Variants in ADAM10 observed in about 807,000 individuals in gnomAD.
ADAM10 encodes ADAM metallopeptidase domain 10.
ADAM10 carries 17 observed loss-of-function variants against 90.1 expected under a neutral mutation model. The ratio of observed to expected loss-of-function variants is 0.19; its 90% CI spans 0.13 to 0.28. The LOEUF is 0.28. Among genes scored for constraint, ADAM10 ranks in the 10% least tolerant of loss-of-function variants. The pLI, the probability that ADAM10 is intolerant of heterozygous loss-of-function variation, is 1.00. For synonymous variants in ADAM10, 310 were observed against 298.6 expected, an observed-to-expected ratio of 1.04 and a Z score of -0.40; for missense variants, 610 against 914.3, an observed-to-expected ratio of 0.67 and a Z score of 4.29.
Position 58,597,427 on chromosome 15 carries a change from AT to A in ADAM10, c.*119del. ...TGGTCTGAGGATATGATCTCTTGCC[AT>A]TTTTTCTTCAACTGTTACTTGTGAG... is the stretch of plus-strand genomic sequence containing the variant. On this transcript the variant is annotated 3_prime_UTR_variant, in exon 16 of 16. Coordinates refer to ENST00000260408, the MANE Select transcript of ADAM10 (RefSeq NM_001110.4). 5.1e-6 allele frequency: 8 copies of A among 1,568,300 alleles called. No individual in the cohort carries two copies. Among genetic ancestry groups the A allele is most frequent in the African/African-American group, 1.4e-5 (1 of 73,972 alleles).
In ADAM10 at chr15:58,589,193, G is replaced by A. The variant is rs1008285764; in HGVS notation, c.*8354C>T. On this transcript the variant is annotated 3_prime_UTR_variant, in exon 16 of 16. Transcript: ENST00000260408. The stretch of plus-strand genomic sequence containing the variant: ...CTATAGCCAAGCTCAAGGAAATGGA[G>A]ATTAATAAAGCCCAGTCCTGCAGAG... 1.3e-5 allele frequency: 2 copies of A among 152,186 alleles called. No individual in the cohort carries two copies. The highest frequency in any genetic ancestry group is 2.4e-5 in the African/African-American group (1 of 41,432). 9.4% of individuals were successfully genotyped at this position (152,186 alleles called of 1,614,324 possible). A position where few individuals can be genotyped will look rare whatever the true frequency, so the allele number is the denominator to read the frequency against.
intron 1 of ADAM10, among the ~76,000 whole-genome samples, chr15:58,719,084 G>A (rs1178939497): frequency 6.6e-6 from 1 of 152,184 alleles, no homozygotes; most frequent in African/African-American, 2.4e-5. Context: ...AGCACTTTGG[G>A]AGGCCGAGGC....
At chr15:58,689,125 G>C (rs1897699352) in intron 2 of ADAM10, among the ~76,000 whole-genome samples, 1 of 152,202 alleles carries the variant, frequency 6.6e-6, no homozygotes, top group Admixed American at 6.5e-5. Context: ...CAGCGTTAAA[G>C]AGAAAATCTT....
Position 58,718,891 on chromosome 15 carries a change from T to C in ADAM10, c.56-1164A>G, listed in dbSNP as rs2140817877. On this transcript the variant is annotated intron_variant, in intron 1 of 15. Coordinates refer to ENST00000260408, the MANE Select transcript of ADAM10 (RefSeq NM_001110.4). ...GCTTCATCTCTTCAACTGAGGAAGT[T>C]CCCTGGACTCTACCTAGGTTCCCTC... Among the ~76,000 whole-genome samples the C allele has an allele frequency of 1.3e-5, 2 of 152,260 alleles. 1 individual carries two copies. Among genetic ancestry groups the C allele is most frequent in the South Asian group, 4.1e-4 (2 of 4,826 alleles).
intron 9 of ADAM10, 143 bp from the exon 10 acceptor site, chr15:58,628,026 C>T: frequency 1.2e-6 from 1 of 830,562 alleles, no homozygotes; most frequent in Non-Finnish European, 1.9e-6. Context: ...TGTTTTACAC[C>T]TTGAGTAGGA....
At chr15:58,647,248 ATTTT>A (rs67378373) in intron 5 of ADAM10, among the ~76,000 whole-genome samples, 13,108 of 59,734 alleles carry the variant, frequency 0.22, 1,504 homozygotes, top group South Asian at 0.52. Context: ...GACACTAAGT[ATTTT>A]TTTTTTTTTT....
intron 2 of ADAM10, among the ~76,000 whole-genome samples, chr15:58,711,503 C>T (rs1425299809): frequency 6.6e-6 from 1 of 152,174 alleles, no homozygotes; most frequent in Non-Finnish European, 1.5e-5. Context: ...GAATTAACCA[C>T]ACTACTCCTT....
chr15:58,727,577 C>G (rs1468793444), intron 1 of ADAM10, among the ~76,000 whole-genome samples: 2 of 152,214 alleles, frequency 1.3e-5, no homozygotes, highest in Non-Finnish European at 2.9e-5. Context: ...AGTAATCCTA[C>G]TGGCTTGGCC....
At chr15:58,641,110 C>T (rs1430168813) in intron 7 of ADAM10, 150 bp from the exon 8 acceptor site, 9 of 737,138 alleles carry the variant, frequency 1.2e-5, no homozygotes, top group Non-Finnish European at 1.9e-5. Flanking sequence ...TCCCACTGCC[C>T]ACATCCCTGA....
chr15:58,727,560 G>A (rs985291817), intron 1 of ADAM10, among the ~76,000 whole-genome samples: 1 of 152,052 alleles, frequency 6.6e-6, no homozygotes, highest in Non-Finnish European at 1.5e-5. Flanking sequence ...TCAAACACCT[G>A]GTATTAAGTA....
chr15:58,739,513 T>A (rs1209266297), intron 1 of ADAM10, among the ~76,000 whole-genome samples: 3 of 151,756 alleles, frequency 2.0e-5, no homozygotes, highest in African/African-American at 7.3e-5. Context: ...CGAGACTCCG[T>A]CTCAAAAAAA....
Position 58,597,154 on chromosome 15 carries a change from T to C in ADAM10, c.*393A>G, listed in dbSNP as rs1894976138. On this transcript the variant is annotated 3_prime_UTR_variant, in exon 16 of 16. Coordinates refer to ENST00000260408, the MANE Select transcript of ADAM10 (RefSeq NM_001110.4). The stretch of plus-strand genomic sequence containing the variant: ...CCAATGTTGAGGTGGTCGAGCCTCC[T>C]AGCCTTGATTGGCAGTTGAAAAAAA... The C allele has an allele frequency of 2.1e-6, 1 of 477,362 alleles. No individual in the cohort carries two copies. Among genetic ancestry groups the C allele is most frequent in the Non-Finnish European group, 3.8e-6 (1 of 265,804 alleles). 29.6% of individuals were successfully genotyped at this position (477,362 alleles called of 1,614,324 possible).
At chr15:58,655,715 A>ATATAGTGTGTGTG in intron 5 of ADAM10, among the ~76,000 whole-genome samples, 1 of 65,142 alleles carries the variant, frequency 1.5e-5, no homozygotes, top group Non-Finnish European at 2.7e-5. Context: ...TATATAGTAT[A>ATATAGTGTGTGTG]TATATATATA....
intron 1 of ADAM10, among the ~76,000 whole-genome samples, chr15:58,720,799 G>C (rs181254256): frequency 6.6e-6 from 1 of 152,250 alleles, no homozygotes. Flanking sequence ...TAGTATAATT[G>C]AGTTTAGCAA....
chr15:58,658,010 T>A (rs560735828), intron 5 of ADAM10, among the ~76,000 whole-genome samples: 1 of 152,136 alleles, frequency 6.6e-6, no homozygotes, highest in Non-Finnish European at 1.5e-5. Flanking sequence ...TTCTTAACTA[T>A]GTTTTTTGAG....
chr15:58,610,076 G>A (rs1895396199), intron 14 of ADAM10: 3 of 571,784 alleles, frequency 5.2e-6, no homozygotes, highest in Admixed American at 2.9e-5. Context: ...AAAACAGAAT[G>A]ACTCCCATCA....
chr15:58,684,530 T>A (rs891177152), intron 2 of ADAM10, among the ~76,000 whole-genome samples: 1 of 152,236 alleles, frequency 6.6e-6, no homozygotes, highest in African/African-American at 2.4e-5. Flanking sequence ...AACAATGAGA[T>A]CTGATCAGCT....
intron 3 of ADAM10, among the ~76,000 whole-genome samples, chr15:58,681,064 G>C (rs2140753505): frequency 6.6e-6 from 1 of 152,254 alleles, no homozygotes; most frequent in East Asian, 1.9e-4. Flanking sequence ...TCCTGCCTCA[G>C]CCTCCCAAAG....
chr15:58,699,159 G>GA (rs561931840), intron 2 of ADAM10, among the ~76,000 whole-genome samples: 1 of 152,002 alleles, frequency 6.6e-6, no homozygotes, highest in African/African-American at 2.4e-5. Context: ...AGTGCTAAAA[G>GA]AAAAAAATAC....
Sources: allele counts gnomAD v4.1 joint callset (sites outside exome capture counted in the v4.1 genomes callset), GRCh38; gene constraint gnomAD v4.1.1; transcripts MANE v1.5; gene names NCBI Gene and HGNC (gene_info 2026-07-23, HGNC 2026-07-21).